TWNK: variants seen among roughly 807,000 people sequenced by gnomAD.
The protein encoded by TWNK is T7 gp4-like protein with intramitochondrial nucleoid localization.
TWNK carries 36 observed loss-of-function variants against 58.2 expected under a neutral mutation model. That is an observed-to-expected ratio of 0.62 (90% CI 0.47 to 0.82). TWNK has a LOEUF of 0.82. Ranked by LOEUF, TWNK falls within the 40% of genes least tolerant of loss-of-function variation. The pLI is 0.00. For missense variants in TWNK, 714 were observed against 881.0 expected, an observed-to-expected ratio of 0.81 and a Z score of 2.40; for synonymous variants, 349 against 348.5, an observed-to-expected ratio of 1.00 and a Z score of -0.02.
At chr10:100,992,786 CT>C (rs796451480) in intron 4 of TWNK, among the ~76,000 whole-genome samples, 18 of 146,224 alleles carry the variant, frequency 1.2e-4, no homozygotes, top group African/African-American at 1.0e-4. Flanking sequence ...CATTCTTTCT[CT>C]TTTTTTTTTT....
At position 100,989,638 on chromosome 10, in the gene TWNK, C is replaced by G. The variant is rs778038512; in HGVS notation, c.1244-6C>G. 6.2e-7 allele frequency: 1 copy of G among 1,614,052 alleles called. No individual in the cohort carries two copies. The highest frequency in any genetic ancestry group is 1.1e-5 in the South Asian group (1 of 91,070). On this transcript the variant is annotated splice_region_variant and splice_polypyrimidine_tract_variant and intron_variant, in intron 1 of 4. Coordinates refer to ENST00000311916, the MANE Select transcript of TWNK (RefSeq NM_021830.5). This position sits in a 1 kb window ranked among gnomAD's most constrained non-coding sequence, Gnocchi z 7.6. ...CCTCACCCAGGTCTGTTCCACCCCA[C>G]TGCAGGGCCAACAGGCAGTGGAAAG...
chr10:100,990,778 G>A (rs1851746002), intron 3 of TWNK, 91 bp from the exon 4 acceptor site: 12 of 1,580,474 alleles, frequency 7.6e-6, no homozygotes, highest in Non-Finnish European at 9.6e-6. Context: ...GGTTGTGGTA[G>A]TTTGTGGGGA....
At position 100,988,156 on chromosome 10, in the gene TWNK, C is replaced by G. The variant is rs1270042333; in HGVS notation, c.-55C>G. ...CCTAGAGTTTGGTCTAGTGAAGGCA[C>G]GCTAACCAGGCACCTAAGGCATTTC... is the stretch of plus-strand genomic sequence containing the variant. On this transcript the variant is annotated 5_prime_UTR_variant, in exon 1 of 5. Coordinates refer to ENST00000311916, the MANE Select transcript of TWNK (RefSeq NM_021830.5). This position sits in a 1 kb window ranked among gnomAD's most constrained non-coding sequence, Gnocchi z 5.2. 1 of 1,603,472 alleles carries G rather than the reference C, an allele frequency of 6.2e-7. No individual in the cohort carries two copies. Among genetic ancestry groups the G allele is most frequent in the East Asian group, 2.2e-5 (1 of 44,824 alleles).
Position 100,993,411 on chromosome 10 carries a change from C to G in TWNK, c.1956C>G (p.Pro652=). ...KDDTGPVAKK[P]SSGKKGATTQ... ...ACACTGGACCAGTGGCCAAAAAGCC[C>G]TCTTCTGGCAAAAAGGGGGCTACGA... is the stretch of plus-strand genomic sequence containing the variant. Residue 652 remains proline, a synonymous_variant, in exon 5 of 5, where the codon CCC becomes CCG. Transcript: ENST00000311916. The G allele has an allele frequency of 1.2e-6, 2 of 1,614,190 alleles. No individual in the cohort carries two copies. The highest frequency in any genetic ancestry group is 1.1e-5 in the South Asian group (1 of 91,070).
intron 4 of TWNK, among the ~76,000 whole-genome samples, chr10:100,992,152 G>T (rs559216440): frequency 6.7e-6 from 1 of 148,484 alleles, no homozygotes; most frequent in East Asian, 2.0e-4. Flanking sequence ...GCAGTGAGCC[G>T]TGCTCACACC....
At position 100,988,311 on chromosome 10, in the gene TWNK, G is replaced by A. The variant is rs1851640749; in HGVS notation, c.101G>A (p.Gly34Asp). ...RRGLPRNLAP[G>D]PPRRRYRKET... ...GGCCTGCCCCGAAACTTGGCCCCAG[G>A]CCCTCCTCGCAGACGTTACAGGAAG... Residue 34 changes from glycine (G) to aspartate (D), a missense_variant, in exon 1 of 5, where the codon GGC becomes GAC. By Grantham distance (94) the Gly-to-Asp change is moderately conservative. This residue lies in a region of TWNK where 348 missense variants were observed against 388.4 expected (regional missense o/e 0.90). Coordinates refer to ENST00000311916, the MANE Select transcript of TWNK (RefSeq NM_021830.5). This position sits in a 1 kb window ranked among gnomAD's most constrained non-coding sequence, Gnocchi z 5.2. The A allele has an allele frequency of 6.2e-7, 1 of 1,614,216 alleles. No individual in the cohort carries two copies. The highest frequency in any genetic ancestry group is 8.5e-7 in the Non-Finnish European group (1 of 1,180,044).
Position 100,990,896 on chromosome 10 carries a change from G to T in TWNK, c.1620G>T (p.Gly540=), listed in dbSNP as rs529222301. The T allele has an allele frequency of 3.7e-6, 6 of 1,614,184 alleles. No homozygotes were observed. The South Asian group carries it at 4.4e-5, about 12-fold the overall frequency. ...DRIAAQDYII[G]VFRKFATDNN... ...TCGCAGCTCAAGACTACATCATCGGGGTCTTTCGGAAGTTTGCAACAGACA... is the reference window on the plus strand; with the variant it reads ...TCGCAGCTCAAGACTACATCATCGGTGTCTTTCGGAAGTTTGCAACAGACA... Residue 540 remains glycine (G), a synonymous_variant, in exon 4 of 5, where the codon GGG becomes GGT. Transcript: ENST00000311916.
Position 100,988,860 on chromosome 10 carries a change from G to A in TWNK, c.650G>A (p.Arg217Gln), listed in dbSNP as rs779199087. Residue 217 changes from arginine to glutamine, a missense_variant, in exon 1 of 5, where the codon CGA becomes CAA. Coordinates refer to ENST00000311916, the MANE Select transcript of TWNK (RefSeq NM_021830.5). The surrounding 1 kb of genome is among the most constrained non-coding windows in gnomAD (Gnocchi z 5.2). ...TTCTCCCCTGGGGGCTCAGGATTACGAGGCCTGAAGCTCCTAGAGGCTAAA... is the reference window on the plus strand; with the variant it reads ...TTCTCCCCTGGGGGCTCAGGATTACAAGGCCTGAAGCTCCTAGAGGCTAAA... ...PWFSPGGSGL[R>Q]GLKLLEAKCQ... is the part of the protein sequence containing the mutation. 3.7e-6 allele frequency: 6 copies of A among 1,614,182 alleles called. No individual in the cohort carries two copies. The East Asian group carries it at 1.3e-4, about 36-fold the overall frequency.
In TWNK at chr10:100,989,895, C is replaced by G; in HGVS notation, c.1484+11C>G. ...ACAGCAAAGCATCAGGTGAGACTCC[C>G]AGATTCCAGCCACCTTGCTTTCCCA... On this transcript the variant is annotated intron_variant, in intron 2 of 4. Transcript: ENST00000311916. The surrounding 1 kb of genome is among the most constrained non-coding windows in gnomAD (Gnocchi z 7.6). 6.2e-7 allele frequency: 1 copy of G among 1,614,164 alleles called. No homozygotes were observed. The highest frequency in any genetic ancestry group is 8.5e-7 in the Non-Finnish European group (1 of 1,180,014).
chr10:100,993,538 G>C lies in TWNK; in HGVS notation c.*28G>C. On this transcript the variant is annotated 3_prime_UTR_variant, in exon 5 of 5. Coordinates refer to ENST00000311916, the MANE Select transcript of TWNK (RefSeq NM_021830.5). Reference sequence around the variant, plus strand: ...GCCGTGCAGAGCTGGTCACTGAAATGAGCCTGATAGGATAGGCTGGAGCAT... The same window carrying C: ...GCCGTGCAGAGCTGGTCACTGAAATCAGCCTGATAGGATAGGCTGGAGCAT... 6.2e-7 allele frequency: 1 copy of C among 1,611,914 alleles called. No individual in the cohort carries two copies. The highest frequency in any genetic ancestry group is 1.3e-5 in the African/African-American group (1 of 74,996).
Position 100,993,237 on chromosome 10 carries a change from G to T in TWNK, c.1782G>T (p.Leu594=). 2 of 1,614,202 alleles carry T rather than the reference G, an allele frequency of 1.2e-6. No individual in the cohort carries two copies. Among genetic ancestry groups the T allele is most frequent in the Non-Finnish European group, 8.5e-7 (1 of 1,180,038 alleles). Residue 594 remains leucine, a synonymous_variant, in exon 5 of 5, where the codon CTG becomes CTT. Transcript: ENST00000311916. The part of the protein sequence containing the change: ...DNVLILQDRK[L]VTGPGKRYLQ... Reference sequence around the variant, plus strand: ...TTCTGATCCTGCAGGACAGGAAGCTGGTAACCGGGCCAGGGAAACGGTATC... The same window carrying T: ...TTCTGATCCTGCAGGACAGGAAGCTTGTAACCGGGCCAGGGAAACGGTATC...
rs1261423297 is a variant in TWNK, at chr10:100,989,476, C to T, written c.1243+23C>T. 3 of 1,612,796 alleles carry T rather than the reference C, an allele frequency of 1.9e-6. No individual in the cohort carries two copies. The highest frequency in any genetic ancestry group is 2.5e-6 in the Non-Finnish European group (3 of 1,179,950). On this transcript the variant is annotated intron_variant, in intron 1 of 4. Transcript: ENST00000311916. This position sits in a 1 kb window ranked among gnomAD's most constrained non-coding sequence, Gnocchi z 7.6. ...CAGGTAACCCTTTGAGAAATCACTA[C>T]TTAGAGTAAAGGGGCAGAAGATCAG...
Position 100,988,710 on chromosome 10 carries a change from T to C in TWNK, c.500T>C (p.Leu167Pro). 1 of 1,614,148 alleles carries C rather than the reference T, an allele frequency of 6.2e-7. No individual in the cohort carries two copies. The highest frequency in any genetic ancestry group is 8.5e-7 in the Non-Finnish European group (1 of 1,180,022). Residue 167 changes from leucine to proline, a missense_variant, in exon 1 of 5, where the codon CTG becomes CCG. This residue lies in a region of TWNK where 348 missense variants were observed against 388.4 expected (regional missense o/e 0.90). Coordinates refer to ENST00000311916, the MANE Select transcript of TWNK (RefSeq NM_021830.5). The surrounding 1 kb of genome is among the most constrained non-coding windows in gnomAD (Gnocchi z 5.2). ...IWNRAIPLWE[L>P]PDQEEVQLAD... ...AACCGAGCAATACCTCTCTGGGAGC[T>C]GCCTGATCAGGAGGAGGTTCAGCTG...
At position 100,987,851 on chromosome 10, in the gene TWNK, A is replaced by T; in HGVS notation, c.-360A>T. The T allele has an allele frequency of 1.7e-6, 1 of 594,086 alleles. No individual in the cohort carries two copies. Among genetic ancestry groups the T allele is most frequent in the Non-Finnish European group, 3.0e-6 (1 of 335,894 alleles). The allele number at this position is 594,086 out of a possible 1,614,324, so 36.8% of individuals were successfully genotyped here. On this transcript the variant is annotated 5_prime_UTR_variant, in exon 1 of 5. Transcript: ENST00000311916. ...GCAGATGACTATAGAAATGAGGACG[A>T]CGAGGAGATGCTGTGGAGGAGCAGT...
chr10:100,988,442 C>T lies in TWNK; in HGVS notation c.232C>T (p.Leu78=). 3 of 1,614,244 alleles carry T rather than the reference C, an allele frequency of 1.9e-6. No homozygotes were observed. The highest frequency in any genetic ancestry group is 2.5e-6 in the Non-Finnish European group (3 of 1,180,054). ...GIPFQDGHSC[L]RALSPFAESS... ...CCCCTTCCAGGATGGTCACAGTTGC[C>T]TGCGGGCACTGAGCCCCTTTGCAGA... The change falls in exon 1 of 5, where the codon CTG becomes TTG. Residue 78 remains leucine (L), a synonymous_variant. Transcript: ENST00000311916. This position sits in a 1 kb window ranked among gnomAD's most constrained non-coding sequence, Gnocchi z 5.2.
Position 100,989,600 on chromosome 10 carries a change from G to A in TWNK, c.1244-44G>A. ...CCCTGACCTATGTCTTGGTTTCAAG[G>A]GTAGGACTTCCTCCTCACCCAGGTC... On this transcript the variant is annotated intron_variant, in intron 1 of 4. Transcript: ENST00000311916. This position sits in a 1 kb window ranked among gnomAD's most constrained non-coding sequence, Gnocchi z 7.6. 6.2e-7 allele frequency: 1 copy of A among 1,613,146 alleles called. No individual in the cohort carries two copies. Among genetic ancestry groups the A allele is most frequent in the South Asian group, 1.1e-5 (1 of 90,938 alleles).
At chr10:100,991,124 G>A (rs1044265383) in intron 4 of TWNK, 114 bp downstream of exon 4, 2 of 1,485,738 alleles carry the variant, frequency 1.3e-6, no homozygotes, top group Non-Finnish European at 1.8e-6. Flanking sequence ...CAGGCAGGAG[G>A]CAATGCCTCT....
Position 100,989,327 on chromosome 10 carries a change from C to T in TWNK, c.1117C>T (p.Leu373Phe), listed in dbSNP as rs774661148. Residue 373 changes from leucine to phenylalanine, a missense_variant, in exon 1 of 5, where the codon CTT becomes TTT. Around this residue, in one of 3 missense-constraint regions of TWNK, gnomAD observed 302 missense variants for 438.6 expected, o/e 0.69. Transcript: ENST00000311916. The surrounding 1 kb of genome is among the most constrained non-coding windows in gnomAD (Gnocchi z 7.6). ...CAAGTCCATCGTATCTTTCCGGCAG[C>T]TTCGGGAGGAGGTGCTAGGAGAACT... ...WHKSIVSFRQ[L>F]REEVLGELSN... is the part of the protein sequence containing the mutation. The T allele has an allele frequency of 6.2e-7, 1 of 1,614,194 alleles. No individual in the cohort carries two copies. Among genetic ancestry groups the T allele is most frequent in the Non-Finnish European group, 8.5e-7 (1 of 1,180,046 alleles).
Position 100,988,591 on chromosome 10 carries a change from C to T in TWNK, c.381C>T (p.Ala127=), listed in dbSNP as rs143139606. 2 of 1,613,822 alleles carry T rather than the reference C, an allele frequency of 1.2e-6. No individual in the cohort carries two copies. The highest frequency in any genetic ancestry group is 2.7e-5 in the African/African-American group (2 of 74,918). ...AAGGGAGCTGGGAAGACTTCCAGGC[C>T]AGCGTGGAGGGGCGAGGGGATGGGG... ...LAEGSWEDFQ[A]SVEGRGDGAR... Residue 127 remains alanine, a synonymous_variant, in exon 1 of 5, where the codon GCC becomes GCT. Coordinates refer to ENST00000311916, the MANE Select transcript of TWNK (RefSeq NM_021830.5). The surrounding 1 kb of genome is among the most constrained non-coding windows in gnomAD (Gnocchi z 5.2).
Sources: allele counts gnomAD v4.1 joint callset (sites outside exome capture counted in the v4.1 genomes callset), GRCh38; gene constraint gnomAD v4.1.1; regional missense constraint gnomAD v4.1.1; non-coding constraint Gnocchi (gnomAD v3.1); transcripts MANE v1.5; gene names NCBI Gene and HGNC (gene_info 2026-07-23, HGNC 2026-07-21).